SYN2: variants seen among roughly 807,000 people sequenced by gnomAD.
The protein encoded by SYN2 is synapsin-2.
A neutral mutation model predicts 50.9 loss-of-function variants in SYN2; 19 were observed. That is an observed-to-expected ratio of 0.37 (90% CI 0.26 to 0.55). SYN2 has a LOEUF of 0.55. SYN2 is among the 20% of genes least tolerant of loss of function. The pLI is 0.81. For synonymous variants in SYN2, 255 were observed against 224.9 expected (o/e 1.13, Z -1.20); for missense variants, 587 against 576.4 (o/e 1.02, Z -0.19).
intron 10 of SYN2, among the ~76,000 whole-genome samples, chr3:12,180,913 A>G (rs1698206139): frequency 6.6e-6 from 1 of 152,170 alleles, no homozygotes; most frequent in Non-Finnish European, 1.5e-5. Context: ...ATTAAAGCTT[A>G]ATCTATGGGA....
At chr3:12,036,970 T>C (rs61061565) in intron 1 of SYN2, among the ~76,000 whole-genome samples, 13,773 of 152,248 alleles carry the variant, frequency 0.09, 2,040 homozygotes, top group African/African-American at 0.31. Context: ...TATCCTAGTT[T>C]ATCACTGTTA....
At chr3:12,016,405 C>G (rs1694030932) in intron 1 of SYN2, among the ~76,000 whole-genome samples, 1 of 152,130 alleles carries the variant, frequency 6.6e-6, no homozygotes, top group Admixed American at 6.5e-5. Flanking sequence ...TCTTGTAGGA[C>G]TTATAGAGAA....
chr3:12,140,469 G>C (rs1286752953), intron 1 of SYN2, among the ~76,000 whole-genome samples, 182 bp from the exon 2 acceptor site: 1 of 152,192 alleles, frequency 6.6e-6, no homozygotes, highest in East Asian at 1.9e-4. Context: ...GTAAATTGAG[G>C]TTAAAAGAGA....
At chr3:12,181,809 CA>C (rs3841939) in intron 10 of SYN2, among the ~76,000 whole-genome samples, 4,424 of 151,928 alleles carry the variant, frequency 0.029, 124 homozygotes, top group East Asian at 0.17. Context: ...ACTCAGATAC[CA>C]GGAGGGAAAA....
At chr3:12,046,289 T>C (rs1002738028) in intron 1 of SYN2, among the ~76,000 whole-genome samples, 8 of 152,034 alleles carry the variant, frequency 5.3e-5, no homozygotes, top group Non-Finnish European at 1.0e-4. Context: ...ACCTGAAGGA[T>C]GAATAGGAGT....
intron 1 of SYN2, among the ~76,000 whole-genome samples, chr3:12,042,481 A>G (rs1287039407): frequency 6.6e-6 from 1 of 152,196 alleles, no homozygotes; most frequent in Non-Finnish European, 1.5e-5. Flanking sequence ...GTTGTTTAAT[A>G]CTATGGAATT....
chr3:12,050,711 C>CTCTTTTTTTT (rs1268024407), intron 1 of SYN2, among the ~76,000 whole-genome samples: 1 of 50,528 alleles, frequency 2.0e-5, no homozygotes, highest in Admixed American at 3.7e-4. Context: ...CTTCTCTTCT[C>CTCTTTTTTTT]TTTTTTTTTT....
chr3:12,077,349 G>A (rs1035438176), intron 1 of SYN2, among the ~76,000 whole-genome samples: 2 of 151,590 alleles, frequency 1.3e-5, no homozygotes, highest in African/African-American at 4.9e-5. Flanking sequence ...GGGCACATGT[G>A]CAGGATGTGC....
chr3:12,190,727 G>T lies in SYN2; in HGVS notation c.*102G>T. On this transcript the variant is annotated 3_prime_UTR_variant, in exon 13 of 13. Transcript: ENST00000621198. ...GGTGGTTATGTCCCATGACCTTGACGTGTGTGGTCCCTTCCTCTGCTCTGT... is the reference window on the plus strand; with the variant it reads ...GGTGGTTATGTCCCATGACCTTGACTTGTGTGGTCCCTTCCTCTGCTCTGT... 6 of 1,515,418 alleles carry T rather than the reference G, an allele frequency of 4.0e-6. No individual in the cohort carries two copies. The highest frequency in any genetic ancestry group is 2.3e-5 in the East Asian group (1 of 42,844). The allele number at this position is 1,515,418 out of a possible 1,614,324, so 93.9% of individuals were successfully genotyped here. A position where few individuals can be genotyped will look rare whatever the true frequency, so the allele number is the denominator to read the frequency against.
chr3:12,083,933 A>C (rs1353105356), intron 1 of SYN2, among the ~76,000 whole-genome samples: 1 of 152,220 alleles, frequency 6.6e-6, no homozygotes, highest in Non-Finnish European at 1.5e-5. Context: ...TAGAGACCAT[A>C]TAATGTGTTT....
Position 12,068,223 on chromosome 3 carries a change from T to G in SYN2, c.377+63295T>G, listed in dbSNP as rs1236163096. 4.1e-4 allele frequency among the ~76,000 whole-genome samples: 3 copies of G among 7,316 alleles called. No individual in the cohort carries two copies. The East Asian group carries it at 0.5, about 1,219-fold the overall frequency. 4.8% of individuals were successfully genotyped at this position (7,316 alleles called of 152,430 possible). ...CAACCTTTCATGTCTGAAAATATCT[T>G]TATACTACCTTGTACTTATTGATAG... On this transcript the variant is annotated intron_variant, in intron 1 of 12. Transcript: ENST00000621198.
At chr3:12,084,838 T>A (rs1695656989) in intron 1 of SYN2, among the ~76,000 whole-genome samples, 1 of 152,144 alleles carries the variant, frequency 6.6e-6, no homozygotes, top group Non-Finnish European at 1.5e-5. Context: ...TGTTACAAGA[T>A]GTTTTATGTA....
rs140417593 is a variant in SYN2 at position 12,106,110 on chromosome 3, G to T, written c.378-34541G>T. 1.1e-3 allele frequency among the ~76,000 whole-genome samples: 169 copies of T among 152,252 alleles called. 1 individual carries two copies. The highest frequency in any genetic ancestry group is 6.0e-4 in the Non-Finnish European group (41 of 68,010). On this transcript the variant is annotated intron_variant, in intron 1 of 12. Transcript: ENST00000621198. ...TCTTGTTGGCAGAATTGGGTTTCTTGTGGTTATAGGACTAAGATCCCTGTT... is the reference window on the plus strand; with the variant it reads ...TCTTGTTGGCAGAATTGGGTTTCTTTTGGTTATAGGACTAAGATCCCTGTT...
chr3:12,020,575 C>G (rs904330775), intron 1 of SYN2, among the ~76,000 whole-genome samples: 7 of 152,054 alleles, frequency 4.6e-5, no homozygotes, highest in African/African-American at 1.4e-4. Flanking sequence ...GGAGAAAGAT[C>G]TAGGTAGCAG....
intron 1 of SYN2, among the ~76,000 whole-genome samples, chr3:12,101,082 A>C (rs1264274874): frequency 6.6e-6 from 1 of 152,200 alleles, no homozygotes; most frequent in Non-Finnish European, 1.5e-5. Flanking sequence ...AATTCCTTAG[A>C]AGATTAAATC....
At chr3:12,135,237 C>T (rs944591141) in intron 1 of SYN2, among the ~76,000 whole-genome samples, 5 of 152,174 alleles carry the variant, frequency 3.3e-5, no homozygotes, top group South Asian at 2.1e-4. Context: ...TGGCGGCCGG[C>T]GCTCACAAAC....
At chr3:12,098,880 T>TATAA (rs1553614789) in intron 1 of SYN2, among the ~76,000 whole-genome samples, 25 of 145,520 alleles carry the variant, frequency 1.7e-4, no homozygotes, top group Admixed American at 6.9e-4. Context: ...TATATATATA[T>TATAA]AATGCAAATA....
At chr3:12,086,222 G>A (rs1196161988) in intron 1 of SYN2, among the ~76,000 whole-genome samples, 1 of 152,092 alleles carries the variant, frequency 6.6e-6, no homozygotes, top group African/African-American at 2.4e-5. Context: ...GATTGAATAA[G>A]TAATAAAAAG....
At chr3:12,177,619 C>G (rs867813971) in intron 10 of SYN2, among the ~76,000 whole-genome samples, 89 of 152,122 alleles carry the variant, frequency 5.9e-4, no homozygotes, top group African/African-American at 2.1e-3. Flanking sequence ...CTTCCCACAG[C>G]AGGAATGGCT....
Sources: gnomAD v4.1 joint callset for allele counts (sites outside exome capture counted in the v4.1 genomes callset) on GRCh38, gnomAD v4.1.1 for gene constraint, MANE v1.5 for transcripts, NCBI Gene and HGNC (gene_info 2026-07-23, HGNC 2026-07-21) for gene names.